The following GAP43 variants were observed in gnomAD, a reference collection of about 807,000 sequenced individuals.
GAP43 encodes neuromodulin.
A neutral mutation model predicts 18.6 loss-of-function variants in GAP43; 6 were observed. The ratio of observed to expected loss-of-function variants is 0.32; its 90% CI spans 0.18 to 0.64. GAP43 has a LOEUF of 0.64. Among genes scored for constraint, GAP43 ranks in the 30% least tolerant of loss-of-function variants. The pLI, the probability that GAP43 is intolerant of heterozygous loss-of-function variation, is 0.78. For missense variants in GAP43, 292 were observed against 295.5 expected (o/e 0.99, Z 0.09); for synonymous variants, 115 against 111.4 (o/e 1.03, Z -0.20).
intron 2 of GAP43, among the ~76,000 whole-genome samples, chr3:115,682,000 C>T (rs1419662565): frequency 6.6e-6 from 1 of 152,136 alleles, no homozygotes; most frequent in African/African-American, 2.4e-5. Flanking sequence ...AGGACCCCAA[C>T]AATGTGTTAT....
At chr3:115,633,193 GAA>G (rs937428475) in intron 1 of GAP43, among the ~76,000 whole-genome samples, 7 of 152,004 alleles carry the variant, frequency 4.6e-5, no homozygotes, top group African/African-American at 1.7e-4. Context: ...TGATGAGAGA[GAA>G]AGAGAGAGAT....
chr3:115,703,273 G>T (rs1709319127), intron 2 of GAP43, among the ~76,000 whole-genome samples: 1 of 152,188 alleles, frequency 6.6e-6, no homozygotes, highest in East Asian at 1.9e-4. Flanking sequence ...GAAGTTTTAT[G>T]ATTGAAGAGG....
intron 1 of GAP43, among the ~76,000 whole-genome samples, chr3:115,641,543 C>CACACACAT (rs148731356): frequency 0.015 from 2,284 of 150,326 alleles, 25 homozygotes; most frequent in Middle Eastern, 0.037. Flanking sequence ...CACACACACA[C>CACACACAT]GGTGCTTTCC....
chr3:115,649,268 C>G (rs995579954), intron 1 of GAP43, among the ~76,000 whole-genome samples: 1 of 152,054 alleles, frequency 6.6e-6, no homozygotes, highest in Admixed American at 6.6e-5. Context: ...CTTTCTCAAG[C>G]CTTTTTATGA....
chr3:115,681,712 C>T (rs1288418211), intron 2 of GAP43, among the ~76,000 whole-genome samples: 1 of 152,170 alleles, frequency 6.6e-6, no homozygotes. Flanking sequence ...ACTTAATGAG[C>T]ATTTATTAAC....
chr3:115,664,805 T>C (rs1312899497), intron 1 of GAP43, among the ~76,000 whole-genome samples: 2 of 152,204 alleles, frequency 1.3e-5, no homozygotes, highest in Non-Finnish European at 2.9e-5. Flanking sequence ...GTCCAGCAGC[T>C]TGGGGACAGA....
intron 2 of GAP43, among the ~76,000 whole-genome samples, chr3:115,686,870 A>G (rs2107355431): frequency 6.6e-6 from 1 of 152,294 alleles, no homozygotes; most frequent in African/African-American, 2.4e-5. Context: ...TCCTTCCCTC[A>G]TACTAATTTT....
At chr3:115,705,690 T>C (rs1483828528) in intron 2 of GAP43, among the ~76,000 whole-genome samples, 1 of 152,118 alleles carries the variant, frequency 6.6e-6, no homozygotes, top group African/African-American at 2.4e-5. Context: ...ATTCAATGAA[T>C]ATGAAAAACT....
intron 1 of GAP43, among the ~76,000 whole-genome samples, chr3:115,643,815 G>A (rs1436764321): frequency 6.6e-6 from 1 of 151,970 alleles, no homozygotes; most frequent in Admixed American, 6.6e-5. Flanking sequence ...ACTCCATGAG[G>A]GCTCCGTTAC....
chr3:115,692,386 G>T (rs12497189), intron 2 of GAP43, among the ~76,000 whole-genome samples: 24,566 of 152,100 alleles, frequency 0.16, 2,211 homozygotes, highest in East Asian at 0.41. Context: ...GGCATTGTGA[G>T]GGATGTAGAT....
intron 1 of GAP43, among the ~76,000 whole-genome samples, chr3:115,662,396 G>A (rs1708673541): frequency 6.6e-6 from 1 of 152,118 alleles, no homozygotes; most frequent in Non-Finnish European, 1.5e-5. Flanking sequence ...GAGGTATCAG[G>A]CAACTTTGGT....
In GAP43 at chr3:115,631,156, A is replaced by C. The variant is rs574603107; in HGVS notation, c.30+7437A>C. Among the ~76,000 whole-genome samples, 19 of 152,316 alleles carry C rather than the reference A, an allele frequency of 1.2e-4. No homozygotes were observed. In the South Asian group the frequency reaches 3.1e-3, roughly 25 times the overall value. ...TCATTTCATTCAGGTTTAGCACGGG[A>C]ATGTGATCTTCCAGATTTCCTATCC... is the stretch of plus-strand genomic sequence containing the variant. On this transcript the variant is annotated intron_variant, in intron 1 of 2. Transcript: ENST00000305124.
intron 2 of GAP43, among the ~76,000 whole-genome samples, chr3:115,678,380 C>T (rs1180703403): frequency 6.6e-6 from 1 of 151,964 alleles, no homozygotes; most frequent in Non-Finnish European, 1.5e-5. Context: ...TAGGTATATG[C>T]TTATGATTTG....
At chr3:115,654,671 C>T (rs937679535) in intron 1 of GAP43, among the ~76,000 whole-genome samples, 1 of 152,140 alleles carries the variant, frequency 6.6e-6, no homozygotes, top group African/African-American at 2.4e-5. Context: ...GAGAAAGAAA[C>T]ACAGTATGTT....
intron 2 of GAP43, among the ~76,000 whole-genome samples, chr3:115,694,280 G>A (rs1709155353): frequency 6.6e-6 from 1 of 152,220 alleles, no homozygotes; most frequent in Non-Finnish European, 1.5e-5. Flanking sequence ...CACAAGCCCT[G>A]TATGTCTATT....
At chr3:115,634,317 T>C (rs954813341) in intron 1 of GAP43, among the ~76,000 whole-genome samples, 1 of 152,138 alleles carries the variant, frequency 6.6e-6, no homozygotes, top group African/African-American at 2.4e-5. Context: ...TTACTTTGCT[T>C]TGATTCCGGA....
At chr3:115,628,237 C>T (rs78868758) in intron 1 of GAP43, among the ~76,000 whole-genome samples, 117 of 152,004 alleles carry the variant, frequency 7.7e-4, no homozygotes, top group African/African-American at 2.0e-3. Flanking sequence ...CTCCTCCCCC[C>T]GTGTTTTCCC....
rs1309433409 is a variant in GAP43, at chr3:115,676,339, C to T, written c.357C>T (p.Ala119=). ...SEEKKGEGDA[A]TEQAAPQAPA... The stretch of plus-strand genomic sequence containing the variant: ...AGAAGAAGGGGGAGGGTGATGCTGC[C>T]ACAGAGCAGGCAGCCCCCCAGGCTC... Residue 119 remains alanine, a synonymous_variant, in exon 2 of 3, where the codon GCC becomes GCT. Coordinates refer to ENST00000305124, the MANE Select transcript of GAP43 (RefSeq NM_002045.4). 1.2e-6 allele frequency: 2 copies of T among 1,614,092 alleles called. No homozygotes were observed. Among genetic ancestry groups the T allele is most frequent in the Non-Finnish European group, 1.7e-6 (2 of 1,179,984 alleles).
intron 2 of GAP43, among the ~76,000 whole-genome samples, chr3:115,683,120 C>A (rs1708976823): frequency 3.5e-5 from 3 of 84,574 alleles, no homozygotes; most frequent in Admixed American, 1.7e-4. Flanking sequence ...TCTCTACATA[C>A]ATGTGCGCGC....
Sources: gnomAD v4.1 joint callset for allele counts (sites outside exome capture counted in the v4.1 genomes callset) on GRCh38, gnomAD v4.1.1 for gene constraint, MANE v1.5 for transcripts, NCBI Gene and HGNC (gene_info 2026-07-23, HGNC 2026-07-21) for gene names.